Variants in TRAM1 observed in about 807,000 individuals in gnomAD.
TRAM1 encodes the protein translocating chain-associated membrane protein 1.
TRAM1 carries 17 observed loss-of-function variants against 48.7 expected under a neutral mutation model. The observed-to-expected ratio is 0.35, with a 90% confidence interval of 0.24 to 0.52. The LOEUF is 0.52. Ranked by LOEUF, TRAM1 falls within the 20% of genes least tolerant of loss-of-function variation. The pLI is 0.94. For missense variants in TRAM1, 351 were observed against 441.5 expected (o/e 0.79, Z 1.84); for synonymous variants, 182 against 154.0 (o/e 1.18, Z -1.34).
intron 10 of TRAM1, among the ~76,000 whole-genome samples, chr8:70,578,002 G>A (rs1223712626): frequency 1.3e-5 from 2 of 152,244 alleles, no homozygotes; most frequent in African/African-American, 2.4e-5. Flanking sequence ...CCTTGTGTGT[G>A]CTTGCCCACA....
At chr8:70,583,389 A>T in intron 9 of TRAM1, 65 bp from the exon 10 acceptor site, 1 of 1,504,870 alleles carries the variant, frequency 6.6e-7, no homozygotes, top group Non-Finnish European at 9.0e-7. Flanking sequence ...ACATTCTATC[A>T]TCTTTCATAG....
At chr8:70,602,792 C>T (rs1178066369) in intron 1 of TRAM1, among the ~76,000 whole-genome samples, 1 of 151,894 alleles carries the variant, frequency 6.6e-6, no homozygotes, top group African/African-American at 2.4e-5. Context: ...CCGAAAAGGC[C>T]AATAGTGGAG....
At chr8:70,596,467 T>C (rs1259863122) in intron 4 of TRAM1, 146 bp from the exon 5 acceptor site, 1 of 505,942 alleles carries the variant, frequency 2.0e-6, no homozygotes, top group Non-Finnish European at 3.3e-6. Flanking sequence ...GTTGTTTTAG[T>C]TATTTTCAAG....
Position 70,608,212 on chromosome 8 carries a change from G to C in TRAM1, c.-13C>G, listed in dbSNP as rs766496876. On this transcript the variant is annotated 5_prime_UTR_variant, in exon 1 of 11. Transcript: ENST00000262213. ...TGCGAATCGCCATGGTGGGGCCGCC[G>C]CCCGCGCCTGCAGGTGCTCCGCCCC... 14 of 1,581,758 alleles carry C rather than the reference G, an allele frequency of 8.9e-6. No homozygotes were observed. The African/African-American group carries it at 1.9e-4, about 22-fold the overall frequency.
intron 1 of TRAM1, chr8:70,607,067 A>T (rs1484740919): frequency 2.2e-6 from 2 of 929,486 alleles, no homozygotes; most frequent in African/African-American, 3.6e-5. Flanking sequence ...AGGCAGGAGC[A>T]AAATAATTTG....
rs954250164 is a variant in TRAM1 at position 70,588,901 on chromosome 8, G to T, written c.571-1725C>A. Among the ~76,000 whole-genome samples, 20 of 152,310 alleles carry T rather than the reference G, an allele frequency of 1.3e-4. No individual in the cohort carries two copies. The Middle Eastern group carries it at 0.014, about 104-fold the overall frequency. ...ATGTTCTACAGCTACTAATTAGAACGATGGAAATGGTGGGTTGCTGCTGGC... is the reference window on the plus strand; with the variant it reads ...ATGTTCTACAGCTACTAATTAGAACTATGGAAATGGTGGGTTGCTGCTGGC... On this transcript the variant is annotated intron_variant, in intron 6 of 10. Transcript: ENST00000262213.
intron 1 of TRAM1, chr8:70,607,701 C>G (rs1339653522): frequency 6.0e-6 from 1 of 166,236 alleles, no homozygotes; most frequent in South Asian, 2.0e-4. Flanking sequence ...CGAGCCAGCT[C>G]GGCAGCGCAG....
rs117403728 is a variant in TRAM1 at position 70,601,684 on chromosome 8, A to C, written c.124-1602T>G. Reference sequence around the variant, plus strand: ...ATGCAGCCAAGAATGAAACTTCTGCAAGAGACCACATGAAAGATAATGAGA... The same window carrying C: ...ATGCAGCCAAGAATGAAACTTCTGCCAGAGACCACATGAAAGATAATGAGA... On this transcript the variant is annotated intron_variant, in intron 1 of 10. Transcript: ENST00000262213. Among the ~76,000 whole-genome samples, 1,403 of 152,356 alleles carry C rather than the reference A, an allele frequency of 9.2e-3. 22 individuals carry two copies. Among genetic ancestry groups the C allele is most frequent in the Middle Eastern group, 0.01 (3 of 294 alleles).
intron 1 of TRAM1, 135 bp from the exon 2 acceptor site, chr8:70,600,217 G>A: frequency 3.1e-6 from 2 of 642,718 alleles, no homozygotes; most frequent in Non-Finnish European, 5.4e-6. Context: ...AATCCTGACA[G>A]ACACAATGGA....
intron 1 of TRAM1, among the ~76,000 whole-genome samples, chr8:70,601,354 T>C (rs1817603971): frequency 6.6e-6 from 1 of 152,218 alleles, no homozygotes; most frequent in South Asian, 2.1e-4. Context: ...TCGGAAAATA[T>C]TTCCCATCAG....
chr8:70,600,519 C>G (rs1350437481), intron 1 of TRAM1, among the ~76,000 whole-genome samples: 1 of 152,194 alleles, frequency 6.6e-6, no homozygotes, highest in Non-Finnish European at 1.5e-5. Flanking sequence ...GTATCCCACA[C>G]ACCCAGCAGA....
chr8:70,576,212 A>G (rs555879961), intron 10 of TRAM1, among the ~76,000 whole-genome samples: 2 of 152,296 alleles, frequency 1.3e-5, no homozygotes, highest in Non-Finnish European at 2.9e-5. Context: ...ATACAAATCA[A>G]TGCTCCAAAG....
At chr8:70,596,897 A>T (rs1475036553) in intron 4 of TRAM1, among the ~76,000 whole-genome samples, 1 of 151,942 alleles carries the variant, frequency 6.6e-6, no homozygotes, top group Non-Finnish European at 1.5e-5. Context: ...ACAGAAGTAT[A>T]ACTTTTATGT....
intron 8 of TRAM1, among the ~76,000 whole-genome samples, chr8:70,586,405 T>G (rs1395111491): frequency 6.6e-6 from 1 of 151,980 alleles, no homozygotes; most frequent in African/African-American, 2.4e-5. Flanking sequence ...ACATGTACCC[T>G]AAAACTTAAA....
chr8:70,607,579 A>G, intron 1 of TRAM1: 1 of 761,594 alleles, frequency 1.3e-6, no homozygotes, highest in Non-Finnish European at 1.6e-6. Context: ...TGTGGTCTCC[A>G]GGCCGGCACT....
At chr8:70,587,286 CAA>C in intron 6 of TRAM1, 110 bp from the exon 7 acceptor site, 1 of 1,005,668 alleles carries the variant, frequency 9.9e-7, no homozygotes, top group East Asian at 2.6e-5. Context: ...ACCTTGGACT[CAA>C]GAGAACCCCC....
In TRAM1 at chr8:70,598,264, CA is replaced by C; in HGVS notation, c.188-10del. ...TTCAGTAGCTTGTTCTTCTGAAGAC[CA>C]AAAAGGACACAAATACACAAAAATA... On this transcript the variant is annotated splice_polypyrimidine_tract_variant and intron_variant, in intron 2 of 10. Coordinates refer to ENST00000262213, the MANE Select transcript of TRAM1 (RefSeq NM_014294.6). 5.0e-6 allele frequency: 8 copies of C among 1,596,478 alleles called. No individual in the cohort carries two copies. Among genetic ancestry groups the C allele is most frequent in the East Asian group, 4.5e-5 (2 of 44,022 alleles).
At chr8:70,591,762 T>C (rs933155011) in intron 6 of TRAM1, among the ~76,000 whole-genome samples, 6 of 152,198 alleles carry the variant, frequency 3.9e-5, no homozygotes, top group South Asian at 4.1e-4. Flanking sequence ...CTCTGCATTA[T>C]AGAGCTCTGT....
intron 10 of TRAM1, among the ~76,000 whole-genome samples, chr8:70,582,401 C>T (rs1049249959): frequency 6.6e-6 from 1 of 150,564 alleles, no homozygotes; most frequent in Non-Finnish European, 1.5e-5. Context: ...TTCAAGTGAT[C>T]CTCCTGCCTC....
Sources: allele counts gnomAD v4.1 joint callset (sites outside exome capture counted in the v4.1 genomes callset), GRCh38; gene constraint gnomAD v4.1.1; transcripts MANE v1.5; gene names NCBI Gene and HGNC (gene_info 2026-07-23, HGNC 2026-07-21).